Variants in ERBB4 observed in about 807,000 individuals in gnomAD.
ERBB4 encodes the protein receptor tyrosine-protein kinase erbB-4.
A neutral mutation model predicts 158.0 loss-of-function variants in ERBB4; 42 were observed. The observed-to-expected ratio is 0.27, with a 90% CI of 0.21 to 0.34. The LOEUF is 0.34. Among genes scored for constraint, ERBB4 ranks in the 10% least tolerant of loss-of-function variants. The pLI is 1.00. For missense variants in ERBB4, 1,333 were observed against 1,624.1 expected, an observed-to-expected ratio of 0.82 and a Z score of 3.08; for synonymous variants, 583 against 558.7, an observed-to-expected ratio of 1.04 and a Z score of -0.61.
At chr2:212,309,497 A>G (rs1023238873) in intron 1 of ERBB4, among the ~76,000 whole-genome samples, 10 of 150,856 alleles carry the variant, frequency 6.6e-5, no homozygotes, top group Admixed American at 5.3e-4. Context: ...TCATGAGACT[A>G]AAAGACTAGA....
rs546956421 is a variant in ERBB4, at chr2:211,890,782, A to G, written c.421+56648T>C. Among the ~76,000 whole-genome samples, 568 of 120,300 alleles carry G rather than the reference A, an allele frequency of 4.7e-3. 8 individuals are homozygous for G. The highest frequency in any genetic ancestry group is 0.012 in the Middle Eastern group (3 of 258). 78.9% of individuals were successfully genotyped at this position (120,300 alleles called of 152,430 possible). On this transcript the variant is annotated intron_variant, in intron 3 of 27. Coordinates refer to ENST00000342788, the MANE Select transcript of ERBB4 (RefSeq NM_005235.3). ...TAGTCTCTGATAAAACAGACTTTAA[A>G]CCAACAAAGATCAAAAGAGACAAAG...
intron 1 of ERBB4, among the ~76,000 whole-genome samples, chr2:212,516,921 A>T (rs1377884753): frequency 2.0e-5 from 3 of 152,128 alleles, no homozygotes; most frequent in African/African-American, 4.8e-5. Flanking sequence ...TCTATGCAGA[A>T]TGAACTGAAT....
Position 211,424,149 on chromosome 2 carries a change from T to G in ERBB4, c.2866+6A>C. 1 of 1,612,186 alleles carries G rather than the reference T, an allele frequency of 6.2e-7. No homozygotes were observed. Among genetic ancestry groups the G allele is most frequent in the Non-Finnish European group, 8.5e-7 (1 of 1,178,396 alleles). On this transcript the variant is annotated splice_donor_region_variant and intron_variant, in intron 23 of 27. Transcript: ENST00000342788. ...TGATGGTGATAACATTATTTTGCAG[T>G]CTTACATTTGACCATGACCATGTAA...
chr2:211,559,948 T>G (rs943811368), intron 20 of ERBB4, among the ~76,000 whole-genome samples: 15 of 152,086 alleles, frequency 9.9e-5, no homozygotes, highest in African/African-American at 3.6e-4. Flanking sequence ...AAGAAAATAA[T>G]TATTTCTGCC....
intron 1 of ERBB4, among the ~76,000 whole-genome samples, chr2:212,310,639 G>A (rs397870559): frequency 7.3e-5 from 10 of 137,184 alleles, no homozygotes; most frequent in African/African-American, 2.6e-4. Context: ...GTGTGTGTGT[G>A]TGTGTATATA....
intron 2 of ERBB4, among the ~76,000 whole-genome samples, chr2:212,091,079 A>G (rs111849765): frequency 0.013 from 1,975 of 152,304 alleles, 22 homozygotes; most frequent in Middle Eastern, 0.027. Flanking sequence ...ACAATGACAC[A>G]TACCTGACTT....
At chr2:212,255,471 A>G (rs2084694869) in intron 1 of ERBB4, among the ~76,000 whole-genome samples, 1 of 152,304 alleles carries the variant, frequency 6.6e-6, no homozygotes, top group South Asian at 2.1e-4. Flanking sequence ...ATATATAAAT[A>G]AAACAATTTG....
chr2:212,140,546 G>C (rs2080427755), intron 1 of ERBB4, among the ~76,000 whole-genome samples: 1 of 149,186 alleles, frequency 6.7e-6, no homozygotes, highest in South Asian at 2.1e-4. Flanking sequence ...TTTTAGGAAA[G>C]GGTAAACAGA....
At chr2:212,360,257 C>T (rs911038138) in intron 1 of ERBB4, among the ~76,000 whole-genome samples, 15 of 151,542 alleles carry the variant, frequency 9.9e-5, no homozygotes, top group African/African-American at 3.6e-4. Context: ...AGCATGAGTC[C>T]AGAGTTAACT....
chr2:212,232,176 T>C (rs1438293059), intron 1 of ERBB4, among the ~76,000 whole-genome samples: 1 of 152,158 alleles, frequency 6.6e-6, no homozygotes, highest in African/African-American at 2.4e-5. Context: ...AACATATTTA[T>C]CAATGAGTTA....
In ERBB4 at chr2:211,761,172, C is replaced by T. The variant is rs138929451; in HGVS notation, c.557-10468G>A. Among the ~76,000 whole-genome samples the T allele has an allele frequency of 4.6e-3, 573 of 124,228 alleles. 4 individuals carry two copies. Among genetic ancestry groups the T allele is most frequent in the African/African-American group, 0.017 (534 of 31,666 alleles). 81.5% of individuals were successfully genotyped at this position (124,228 alleles called of 152,430 possible). The stretch of plus-strand genomic sequence containing the variant: ...ATTGCGCCACTGTACTCCAGCCTGG[C>T]GACAGGGTGAGATTCCTCAAAAAAA... On this transcript the variant is annotated intron_variant, in intron 4 of 27. Coordinates refer to ENST00000342788, the MANE Select transcript of ERBB4 (RefSeq NM_005235.3).
chr2:211,431,691 A>G (rs2063751408), intron 20 of ERBB4, among the ~76,000 whole-genome samples: 1 of 152,148 alleles, frequency 6.6e-6, no homozygotes, highest in Non-Finnish European at 1.5e-5. Flanking sequence ...TGTAATTTTT[A>G]AGAAGACTTC....
intron 5 of ERBB4, among the ~76,000 whole-genome samples, chr2:211,735,406 T>C (rs1282794450): frequency 6.6e-6 from 1 of 152,180 alleles, no homozygotes; most frequent in Non-Finnish European, 1.5e-5. Context: ...CATGTTTTCA[T>C]CAAGTTAAGA....
In ERBB4 at chr2:211,463,235, C is replaced by G. The variant is rs183710244; in HGVS notation, c.2488-32135G>C. ...GTGATTCTCCTTCAATTACAAAAAG[C>G]GGAGCTATAGTTTTTAGTTTCAAGG... On this transcript the variant is annotated intron_variant, in intron 20 of 27. Coordinates refer to ENST00000342788, the MANE Select transcript of ERBB4 (RefSeq NM_005235.3). 2.6e-5 allele frequency among the ~76,000 whole-genome samples: 4 copies of G among 152,218 alleles called. No individual in the cohort carries two copies. The East Asian group carries it at 7.7e-4, about 29-fold the overall frequency.
At chr2:211,884,364 C>A (rs1458889022) in intron 3 of ERBB4, among the ~76,000 whole-genome samples, 1 of 152,174 alleles carries the variant, frequency 6.6e-6, no homozygotes, top group Non-Finnish European at 1.5e-5. Flanking sequence ...ACATCCAGTT[C>A]TCCTACCAAA....
intron 7 of ERBB4, among the ~76,000 whole-genome samples, chr2:211,722,075 C>T (rs937264385): frequency 8.5e-5 from 13 of 152,122 alleles, no homozygotes; most frequent in African/African-American, 3.1e-4. Context: ...ATTGGTCAGG[C>T]TGGTCTCGAA....
rs112904922 is a variant in ERBB4, at chr2:212,161,208, T to A, written c.83-36305A>T. Among the ~76,000 whole-genome samples, 456 of 152,018 alleles carry A rather than the reference T, an allele frequency of 3.0e-3. 1 individual carries two copies. The highest frequency in any genetic ancestry group is 6.8e-3 in the Middle Eastern group (2 of 294). ...TTGAGATCAGATCAAAATATATCTG[T>A]ACAGTCTCTTTCACTCATCTATCCT... On this transcript the variant is annotated intron_variant, in intron 1 of 27. Coordinates refer to ENST00000342788, the MANE Select transcript of ERBB4 (RefSeq NM_005235.3).
rs145397419 is a variant in ERBB4, at chr2:211,904,447, G to T, written c.421+42983C>A. Among the ~76,000 whole-genome samples the T allele has an allele frequency of 6.0e-4, 91 of 152,012 alleles. 1 individual carries two copies. In the East Asian group the frequency reaches 0.015, roughly 26 times the overall value. ...TTCTTTCTCCAAAATGCTTACTAAT[G>T]GAACTTTAGCAAATTACCTTAATAT... On this transcript the variant is annotated intron_variant, in intron 3 of 27. Coordinates refer to ENST00000342788, the MANE Select transcript of ERBB4 (RefSeq NM_005235.3).
At chr2:211,693,505 G>A (rs2072898833) in intron 12 of ERBB4, among the ~76,000 whole-genome samples, 1 of 151,966 alleles carries the variant, frequency 6.6e-6, no homozygotes, top group South Asian at 2.1e-4. Flanking sequence ...TTTCCTACAA[G>A]GGAACACAGC....
Sources: allele counts gnomAD v4.1 joint callset (sites outside exome capture counted in the v4.1 genomes callset), GRCh38; gene constraint gnomAD v4.1.1; transcripts MANE v1.5; gene names NCBI Gene and HGNC (gene_info 2026-07-23, HGNC 2026-07-21).